The following MYOZ2 variants were observed in gnomAD, a reference collection of about 807,000 sequenced individuals.
MYOZ2 encodes the protein myozenin 2, also known as myozenin-2.
A neutral mutation model predicts 25.4 loss-of-function variants in MYOZ2; 19 were observed. That is an observed-to-expected ratio of 0.75 (90% CI 0.52 to 1.10). The LOEUF (loss-of-function observed/expected upper bound fraction) is 1.10, where lower values mean the gene tolerates loss of function less well. MYOZ2 is among the 50% of genes least tolerant of loss of function. The probability of loss-of-function intolerance (pLI) is 0.00; values close to 1 mark genes in which losing one functional copy is unlikely to be tolerated. For synonymous variants in MYOZ2, 92 were observed against 106.9 expected (o/e 0.86, Z 0.86); for missense variants, 270 against 317.9 (o/e 0.85, Z 1.15).
intron 2 of MYOZ2, among the ~76,000 whole-genome samples, chr4:119,144,796 T>A (rs1741248894): frequency 6.6e-6 from 1 of 152,230 alleles, no homozygotes; most frequent in Admixed American, 6.5e-5. Flanking sequence ...AATTGGATTG[T>A]TTGCTTTTTT....
chr4:119,159,698 C>A (rs967355509), intron 4 of MYOZ2, among the ~76,000 whole-genome samples: 7 of 151,990 alleles, frequency 4.6e-5, no homozygotes, highest in Non-Finnish European at 8.8e-5. Flanking sequence ...GCATTCTTCT[C>A]AAATGTAATA....
At position 119,172,721 on chromosome 4, in the gene MYOZ2, G is replaced by A. The variant is rs1741972533; in HGVS notation, c.560+8327G>A. Among the ~76,000 whole-genome samples the A allele has an allele frequency of 2.6e-5, 4 of 152,300 alleles. No individual in the cohort carries two copies. In the South Asian group the frequency reaches 8.3e-4, roughly 32 times the overall value. On this transcript the variant is annotated intron_variant, in intron 5 of 5. Coordinates refer to ENST00000307128, the MANE Select transcript of MYOZ2 (RefSeq NM_016599.5). ...GAGCAATCTAGTCCCCAGGCAGGAAGGGGATTTGTTTTGGGAAAGGGCTGT... is the reference window on the plus strand; with the variant it reads ...GAGCAATCTAGTCCCCAGGCAGGAAAGGGATTTGTTTTGGGAAAGGGCTGT...
At chr4:119,136,755 G>T (rs961576707) in intron 2 of MYOZ2, among the ~76,000 whole-genome samples, 154 bp downstream of exon 2, 1 of 152,116 alleles carries the variant, frequency 6.6e-6, no homozygotes, top group African/African-American at 2.4e-5. Context: ...AAAGCCTATG[G>T]TAACTAATCC....
intron 5 of MYOZ2, among the ~76,000 whole-genome samples, chr4:119,184,583 A>G (rs1349203335): frequency 6.6e-6 from 1 of 152,232 alleles, no homozygotes; most frequent in Non-Finnish European, 1.5e-5. Context: ...AGCTGCTATC[A>G]CCATCAGATA....
At chr4:119,168,884 T>C (rs1380278403) in intron 5 of MYOZ2, among the ~76,000 whole-genome samples, 1 of 152,200 alleles carries the variant, frequency 6.6e-6, no homozygotes, top group Non-Finnish European at 1.5e-5. Context: ...TTGGAGAGGA[T>C]TGACTCCAAT....
intron 5 of MYOZ2, among the ~76,000 whole-genome samples, chr4:119,181,852 T>C (rs1742189364): frequency 6.6e-6 from 1 of 152,234 alleles, no homozygotes; most frequent in African/African-American, 2.4e-5. Context: ...TTAATTTATA[T>C]AAACTGAATT....
Position 119,164,375 on chromosome 4 carries a change from G to A in MYOZ2, c.541G>A (p.Asp181Asn). The A allele has an allele frequency of 6.2e-7, 1 of 1,614,030 alleles. No individual in the cohort carries two copies. The highest frequency in any genetic ancestry group is 8.5e-7 in the Non-Finnish European group (1 of 1,179,940). Reference protein sequence around the residue: ...FKPEGKAELPDYRSFNRVATP... With the variant: ...FKPEGKAELPNYRSFNRVATP... ...GCCTGAAGGAAAGGCAGAACTGCCTGATTACAGGAGCTTTAACAGGTAATT... is the reference window on the plus strand; with the variant it reads ...GCCTGAAGGAAAGGCAGAACTGCCTAATTACAGGAGCTTTAACAGGTAATT... The change falls in exon 5 of 6, where the codon GAT becomes AAT. Residue 181 changes from aspartate to asparagine, a missense_variant. By Grantham distance (23) the Asp-to-Asn change is conservative. Coordinates refer to ENST00000307128, the MANE Select transcript of MYOZ2 (RefSeq NM_016599.5).
At chr4:119,158,832 A>G (rs938965484) in intron 4 of MYOZ2, among the ~76,000 whole-genome samples, 1 of 152,200 alleles carries the variant, frequency 6.6e-6, no homozygotes, top group Non-Finnish European at 1.5e-5. Flanking sequence ...TTATAAATTA[A>G]GACGTTGAGG....
intron 2 of MYOZ2, among the ~76,000 whole-genome samples, chr4:119,143,843 A>G (rs72910510): frequency 0.02 from 3,028 of 152,294 alleles, 99 homozygotes; most frequent in African/African-American, 0.069. Context: ...TTAGAAATAT[A>G]CATTTAAGAA....
At chr4:119,172,412 A>G (rs756213687) in intron 5 of MYOZ2, among the ~76,000 whole-genome samples, 5 of 152,184 alleles carry the variant, frequency 3.3e-5, no homozygotes, top group Non-Finnish European at 7.4e-5. Flanking sequence ...CTGATTGGTC[A>G]GGTGGAAGAT....
chr4:119,137,084 C>T (rs1051480955), intron 2 of MYOZ2, among the ~76,000 whole-genome samples: 5 of 152,026 alleles, frequency 3.3e-5, no homozygotes, highest in Admixed American at 1.3e-4. Context: ...ATTTCTATTG[C>T]TTATTTATTT....
intron 2 of MYOZ2, among the ~76,000 whole-genome samples, chr4:119,142,778 A>C (rs1220672332): frequency 6.6e-6 from 1 of 152,184 alleles, no homozygotes; most frequent in Non-Finnish European, 1.5e-5. Flanking sequence ...GACTTGCAGG[A>C]AAGTGAGGGA....
intron 5 of MYOZ2, among the ~76,000 whole-genome samples, chr4:119,172,906 G>C (rs76412180): frequency 1.6e-4 from 24 of 152,290 alleles, no homozygotes; most frequent in African/African-American, 5.3e-4. Context: ...TGCAAAGGCA[G>C]TTTCAGATTC....
chr4:119,145,734 T>C (rs1329776445), intron 2 of MYOZ2, among the ~76,000 whole-genome samples: 1 of 152,112 alleles, frequency 6.6e-6, no homozygotes, highest in Non-Finnish European at 1.5e-5. Context: ...CTTAATGAAA[T>C]GAACTAGGAA....
chr4:119,183,884 G>A (rs531811915), intron 5 of MYOZ2, among the ~76,000 whole-genome samples: 56 of 148,734 alleles, frequency 3.8e-4, no homozygotes, highest in African/African-American at 1.2e-3. Context: ...GCACGATCTC[G>A]GCTCACTGAA....
At chr4:119,150,827 A>C (rs758240458) in intron 2 of MYOZ2, 45 bp from the exon 3 acceptor site, 1 of 1,571,650 alleles carries the variant, frequency 6.4e-7, no homozygotes, top group South Asian at 1.1e-5. Flanking sequence ...AAGCATTAAA[A>C]ATGCTTACCT....
At chr4:119,170,776 C>T (rs1213376429) in intron 5 of MYOZ2, among the ~76,000 whole-genome samples, 3 of 151,958 alleles carry the variant, frequency 2.0e-5, no homozygotes, top group Non-Finnish European at 2.9e-5. Flanking sequence ...GAATTCATGG[C>T]GTAAGATTTT....
intron 2 of MYOZ2, among the ~76,000 whole-genome samples, chr4:119,148,769 CA>C (rs372182068): frequency 0.026 from 2,041 of 77,388 alleles, 73 homozygotes; most frequent in African/African-American, 0.095. Context: ...GAGTCATTGG[CA>C]AAAAAAAAAA....
At chr4:119,158,238 T>C in intron 4 of MYOZ2, 87 bp downstream of exon 4, 7 of 1,497,276 alleles carry the variant, frequency 4.7e-6, no homozygotes, top group Middle Eastern at 1.7e-4. Context: ...TATTGAATAG[T>C]ATTTAAATAA....
Sources: allele counts gnomAD v4.1 joint callset (sites outside exome capture counted in the v4.1 genomes callset), GRCh38; gene constraint gnomAD v4.1.1; transcripts MANE v1.5; gene names NCBI Gene and HGNC (gene_info 2026-07-23, HGNC 2026-07-21).